The following GALNTL6 variants were observed in gnomAD, a reference collection of about 807,000 sequenced individuals.
GALNTL6 encodes polypeptide N-acetylgalactosaminyltransferase-like 6.
Under a neutral mutation model 73.7 loss-of-function variants are expected in GALNTL6, and 46 were observed. That is an observed-to-expected ratio of 0.62 (90% CI 0.49 to 0.80). GALNTL6 has a LOEUF of 0.80. GALNTL6 is among the 30% of genes least tolerant of loss of function. The pLI is 0.00. For synonymous variants in GALNTL6, 259 were observed against 263.7 expected, an observed-to-expected ratio of 0.98 and a Z score of 0.17; for missense variants, 604 against 755.0, an observed-to-expected ratio of 0.80 and a Z score of 2.34.
At position 172,159,360 on chromosome 4, in the gene GALNTL6, C is replaced by T. The variant is rs555600851; in HGVS notation, c.139-70296C>T. Among the ~76,000 whole-genome samples, 14 of 152,144 alleles carry T rather than the reference C, an allele frequency of 9.2e-5. No individual in the cohort carries two copies. The South Asian group carries it at 1.5e-3, about 16-fold the overall frequency. On this transcript the variant is annotated intron_variant, in intron 2 of 12. Coordinates refer to ENST00000506823, the MANE Select transcript of GALNTL6 (RefSeq NM_001034845.3). ...GGACATGCAGATATGTAAAAAGGCA[C>T]ACATTAAAGAAATAATCGTACAAAT...
chr4:171,930,384 C>T (rs76216614), intron 2 of GALNTL6, among the ~76,000 whole-genome samples: 2 of 152,192 alleles, frequency 1.3e-5, no homozygotes, highest in African/African-American at 2.4e-5. Flanking sequence ...ACAGCCTATG[C>T]GCCACACTCA....
At chr4:171,870,379 G>T (rs1736104618) in intron 2 of GALNTL6, among the ~76,000 whole-genome samples, 1 of 152,100 alleles carries the variant, frequency 6.6e-6, no homozygotes, top group Non-Finnish European at 1.5e-5. Flanking sequence ...ACGTTGATGT[G>T]GTAGATCAAA....
intron 5 of GALNTL6, among the ~76,000 whole-genome samples, chr4:172,671,853 G>T (rs1732004981): frequency 6.6e-6 from 1 of 151,776 alleles, no homozygotes. Flanking sequence ...GTTTTTGTTT[G>T]TTTGGTTTTT....
At chr4:172,963,994 G>A (rs1310162579) in intron 10 of GALNTL6, among the ~76,000 whole-genome samples, 1 of 152,174 alleles carries the variant, frequency 6.6e-6, no homozygotes, top group Non-Finnish European at 1.5e-5. Context: ...TGGTAGGCAA[G>A]GAGAGTGGGT....
At chr4:172,942,518 G>A (rs1748962895) in intron 9 of GALNTL6, among the ~76,000 whole-genome samples, 1 of 152,174 alleles carries the variant, frequency 6.6e-6, no homozygotes, top group Non-Finnish European at 1.5e-5. Context: ...TACCTAAGTT[G>A]TGATGACATG....
At chr4:171,831,276 C>T (rs947328387) in intron 2 of GALNTL6, among the ~76,000 whole-genome samples, 11 of 151,690 alleles carry the variant, frequency 7.3e-5, no homozygotes, top group African/African-American at 7.3e-5. Context: ...GTAAAACATG[C>T]GAAAGAGATT....
At chr4:172,481,511 T>C (rs1019360813) in intron 5 of GALNTL6, among the ~76,000 whole-genome samples, 15 of 149,750 alleles carry the variant, frequency 1.0e-4, no homozygotes, top group Non-Finnish European at 2.1e-4. Context: ...TACAGAGAGC[T>C]GATTGGTCCA....
intron 5 of GALNTL6, among the ~76,000 whole-genome samples, chr4:172,689,751 G>A (rs935422123): frequency 6.6e-6 from 1 of 152,104 alleles, no homozygotes; most frequent in Non-Finnish European, 1.5e-5. Flanking sequence ...ATTTAACAGT[G>A]TCCTAGAAAT....
chr4:172,724,505 C>A (rs1410652940), intron 5 of GALNTL6, among the ~76,000 whole-genome samples: 1 of 152,192 alleles, frequency 6.6e-6, no homozygotes, highest in Non-Finnish European at 1.5e-5. Flanking sequence ...GGCTCTCTCC[C>A]TGTGTTCAAC....
At chr4:172,522,014 A>G (rs1339743163) in intron 5 of GALNTL6, among the ~76,000 whole-genome samples, 1 of 152,178 alleles carries the variant, frequency 6.6e-6, no homozygotes, top group African/African-American at 2.4e-5. Context: ...CCAGAGAGTC[A>G]TTTGTAAATG....
intron 5 of GALNTL6, among the ~76,000 whole-genome samples, chr4:172,471,911 T>C (rs1250351100): frequency 1.3e-5 from 2 of 152,240 alleles, no homozygotes; most frequent in Non-Finnish European, 2.9e-5. Flanking sequence ...ACTCATTTAC[T>C]TAGCCAACAA....
chr4:172,801,287 T>G (rs1740624739), intron 5 of GALNTL6, among the ~76,000 whole-genome samples: 1 of 152,174 alleles, frequency 6.6e-6, no homozygotes, highest in Non-Finnish European at 1.5e-5. Flanking sequence ...TGCCAAAATA[T>G]TTTGTGTAAA....
chr4:172,398,748 A>G (rs1015144408), intron 5 of GALNTL6, among the ~76,000 whole-genome samples: 2 of 152,206 alleles, frequency 1.3e-5, no homozygotes, highest in African/African-American at 4.8e-5. Flanking sequence ...AATTTTGTAG[A>G]AGTATATTCA....
chr4:172,905,316 C>G (rs980282292), intron 8 of GALNTL6, among the ~76,000 whole-genome samples: 3 of 152,164 alleles, frequency 2.0e-5, no homozygotes, highest in African/African-American at 7.2e-5. Flanking sequence ...GTGGCTACTG[C>G]TACTTCTGAA....
At chr4:172,836,544 C>A (rs1194851452) in intron 7 of GALNTL6, among the ~76,000 whole-genome samples, 1 of 152,142 alleles carries the variant, frequency 6.6e-6, no homozygotes, top group Non-Finnish European at 1.5e-5. Flanking sequence ...GATACAGAAG[C>A]CCAGACATTC....
At chr4:171,890,533 A>G (rs571677832) in intron 2 of GALNTL6, among the ~76,000 whole-genome samples, 4 of 152,262 alleles carry the variant, frequency 2.6e-5, no homozygotes, top group African/African-American at 9.6e-5. Flanking sequence ...GAACTGAGGG[A>G]TGAATAAAAT....
intron 7 of GALNTL6, among the ~76,000 whole-genome samples, chr4:172,864,593 G>GT (rs1219718379): frequency 2.0e-5 from 3 of 152,108 alleles, no homozygotes; most frequent in Non-Finnish European, 1.5e-5. Flanking sequence ...CTCTATTTCA[G>GT]TTTTTTTCAC....
At chr4:172,307,649 A>C (rs1740190150) in intron 3 of GALNTL6, among the ~76,000 whole-genome samples, 1 of 152,128 alleles carries the variant, frequency 6.6e-6, no homozygotes, top group African/African-American at 2.4e-5. Flanking sequence ...TCGCTTTGTC[A>C]AAAATCAGTT....
At chr4:172,302,372 T>C (rs1053496411) in intron 3 of GALNTL6, among the ~76,000 whole-genome samples, 1 of 152,106 alleles carries the variant, frequency 6.6e-6, no homozygotes, top group African/African-American at 2.4e-5. Flanking sequence ...CTGCACCCAC[T>C]GTTCTTCCCC....
Sources: gnomAD v4.1 joint callset for allele counts (sites outside exome capture counted in the v4.1 genomes callset) on GRCh38, gnomAD v4.1.1 for gene constraint, MANE v1.5 for transcripts, NCBI Gene and HGNC (gene_info 2026-07-23, HGNC 2026-07-21) for gene names.